The following RGPD2 variants were observed in gnomAD, a reference collection of about 807,000 sequenced individuals.
The protein encoded by RGPD2 is RANBP2 like and GRIP domain containing 2.
RGPD2 carries 2 observed loss-of-function variants against 36.0 expected under a neutral mutation model. That is an observed-to-expected ratio of 0.06 (90% confidence interval 0.02 to 0.17). The LOEUF (loss-of-function observed/expected upper bound fraction) is 0.17, where lower values mean the gene tolerates loss of function less well. Ranked by LOEUF, RGPD2 falls within the 10% of genes least tolerant of loss-of-function variation. RGPD2 has a pLI of 1.00. For synonymous variants in RGPD2, 19 were observed against 163.8 expected (o/e 0.12, Z 6.75); for missense variants, 40 against 464.3 (o/e 0.09, Z 8.40).
the RGPD2 span, among the ~76,000 whole-genome samples, chr2:87,961,345 C>T: frequency 6.6e-6 from 1 of 152,086 alleles, no homozygotes; most frequent in Non-Finnish European, 1.5e-5. Context: ...ACTGTGTATC[C>T]TTGGCGACGT....
At chr2:87,858,426 GC>G in the RGPD2 span, among the ~76,000 whole-genome samples, 816 of 151,454 alleles carry the variant, frequency 5.4e-3, 2 homozygotes, top group Admixed American at 7.9e-3. Flanking sequence ...AGCTTTTGCT[GC>G]TTTTTTTTTT....
chr2:87,888,471 C>T, the RGPD2 span, among the ~76,000 whole-genome samples: 1 of 120,054 alleles, frequency 8.3e-6, no homozygotes, highest in African/African-American at 3.2e-5. Flanking sequence ...CTAGTAAAAA[C>T]ATTGGACACA....
chr2:87,966,662 TC>T, the RGPD2 span, among the ~76,000 whole-genome samples: 1 of 152,186 alleles, frequency 6.6e-6, no homozygotes, highest in South Asian at 2.1e-4. Context: ...GCACAGTGGC[TC>T]ACGCCTGTAA....
At chr2:87,915,063 C>T in the RGPD2 span, among the ~76,000 whole-genome samples, 25 of 151,900 alleles carry the variant, frequency 1.6e-4, no homozygotes, top group East Asian at 3.5e-3. Context: ...AGGAGAATCG[C>T]TTCAATGCAG....
At chr2:87,758,209 AGTTTT>A (rs769737738) in intron 22 of RGPD2, among the ~76,000 whole-genome samples, 9,810 of 147,404 alleles carry the variant, frequency 0.067, 4 homozygotes, top group African/African-American at 0.11. Flanking sequence ...TGCTTAGGCA[AGTTTT>A]GTTTTGTTTT....
chr2:87,916,940 T>G, the RGPD2 span, among the ~76,000 whole-genome samples: 2 of 152,180 alleles, frequency 1.3e-5, no homozygotes, highest in Non-Finnish European at 2.9e-5. Flanking sequence ...ATGAACAAAG[T>G]AAGGAAGATA....
the RGPD2 span, among the ~76,000 whole-genome samples, chr2:87,872,808 G>T: frequency 6.6e-6 from 1 of 151,062 alleles, no homozygotes; most frequent in African/African-American, 2.5e-5. Flanking sequence ...CGCCCAGGCT[G>T]GAGTGCATTG....
chr2:87,937,489 T>G, the RGPD2 span, among the ~76,000 whole-genome samples: 18 of 151,776 alleles, frequency 1.2e-4, no homozygotes, highest in Non-Finnish European at 2.4e-4. Flanking sequence ...TCAGGAAACT[T>G]ATAACCGTGA....
the RGPD2 span, among the ~76,000 whole-genome samples, chr2:87,852,718 G>A: frequency 6.6e-6 from 1 of 152,290 alleles, no homozygotes; most frequent in Non-Finnish European, 1.5e-5. Context: ...TGTTCTTCTA[G>A]ATATATTTGC....
the RGPD2 span, among the ~76,000 whole-genome samples, chr2:87,875,767 G>A: frequency 2.6e-5 from 4 of 152,278 alleles, no homozygotes; most frequent in Non-Finnish European, 5.9e-5. Context: ...TCAATTGTTT[G>A]CAATAGTCTC....
At chr2:87,867,652 G>GT in the RGPD2 span, among the ~76,000 whole-genome samples, 5 of 152,106 alleles carry the variant, frequency 3.3e-5, no homozygotes, top group Non-Finnish European at 7.4e-5. Context: ...TAATTTGGTA[G>GT]TTTTTTTATT....
At chr2:87,914,170 G>T in the RGPD2 span, among the ~76,000 whole-genome samples, 1 of 140,302 alleles carries the variant, frequency 7.1e-6, no homozygotes, top group African/African-American at 2.7e-5. Flanking sequence ...CACAAATCAC[G>T]TTGCTTTTCT....
chr2:87,915,231 T>G, the RGPD2 span, among the ~76,000 whole-genome samples: 1 of 149,608 alleles, frequency 6.7e-6, no homozygotes, highest in Non-Finnish European at 1.5e-5. Flanking sequence ...CCCTGATATA[T>G]TTTACTTAAA....
the RGPD2 span, among the ~76,000 whole-genome samples, chr2:87,854,846 T>C: frequency 6.6e-6 from 1 of 152,356 alleles, no homozygotes; most frequent in African/African-American, 2.4e-5. Context: ...TCCTGTGCAG[T>C]TATTTCCCAG....
chr2:87,825,348 T>C (rs1467400736), intron 1 of RGPD2, among the ~76,000 whole-genome samples: 1 of 147,848 alleles, frequency 6.8e-6, no homozygotes, highest in African/African-American at 2.5e-5. Context: ...TTGCCACAAC[T>C]AATCTTCTCG....
At chr2:87,874,139 G>A in the RGPD2 span, among the ~76,000 whole-genome samples, 1 of 138,840 alleles carries the variant, frequency 7.2e-6, no homozygotes, top group Non-Finnish European at 1.6e-5. Flanking sequence ...TGGATACCTT[G>A]CAAAAAATTT....
At chr2:87,935,613 T>C in the RGPD2 span, among the ~76,000 whole-genome samples, 1 of 151,162 alleles carries the variant, frequency 6.6e-6, no homozygotes, top group African/African-American at 2.4e-5. Context: ...AACTCCGATA[T>C]TTTTGTGGAG....
the RGPD2 span, chr2:87,973,196 T>C: frequency 5.0e-6 from 8 of 1,606,136 alleles, no homozygotes; most frequent in East Asian, 1.8e-4. Context: ...GTGGAAGGTG[T>C]TTCCTCCCAC....
chr2:87,953,442 T>C, the RGPD2 span, among the ~76,000 whole-genome samples: 1 of 144,968 alleles, frequency 6.9e-6, no homozygotes, highest in African/African-American at 2.6e-5. Flanking sequence ...ATTTCATATT[T>C]GCATTCATTA....
Sources: allele counts gnomAD v4.1 joint callset (sites outside exome capture counted in the v4.1 genomes callset), GRCh38; gene constraint gnomAD v4.1.1; transcripts MANE v1.5; gene names NCBI Gene and HGNC (gene_info 2026-07-23, HGNC 2026-07-21).